The following PCDHGA7 variants were observed in gnomAD, a reference collection of about 807,000 sequenced individuals.
The protein encoded by PCDHGA7 is protocadherin gamma subfamily A, 7, also known as protocadherin gamma-A7.
PCDHGA7 carries 44 observed loss-of-function variants against 58.3 expected under a neutral mutation model. The ratio of observed to expected loss-of-function variants is 0.75; its 90% confidence interval spans 0.59 to 0.97. The LOEUF is 0.97. Ranked by LOEUF, PCDHGA7 falls within the 50% of genes least tolerant of loss-of-function variation. The pLI, the probability that PCDHGA7 is intolerant of heterozygous loss-of-function variation, is 0.00. For missense variants in PCDHGA7, 1,266 were observed against 1,188.7 expected, an observed-to-expected ratio of 1.06 and a Z score of -0.96; for synonymous variants, 516 against 504.2, an observed-to-expected ratio of 1.02 and a Z score of -0.31.
At chr5:141,388,360 A>C in intron 1 of PCDHGA7, 1 of 1,613,996 alleles carries the variant, frequency 6.2e-7, no homozygotes, top group South Asian at 1.1e-5. Context: ...TCTGCCCATG[A>C]TGCGGATATT....
chr5:141,462,242 G>A (rs1325040495), intron 1 of PCDHGA7, among the ~76,000 whole-genome samples: 3 of 152,234 alleles, frequency 2.0e-5, no homozygotes, highest in Non-Finnish European at 4.4e-5. Context: ...TTACAGGTAT[G>A]AGCCACCATG....
chr5:141,399,611 T>A, intron 1 of PCDHGA7: 2 of 1,613,930 alleles, frequency 1.2e-6, no homozygotes, highest in Non-Finnish European at 1.7e-6. Flanking sequence ...CTAGAGCCTC[T>A]GGCACTGGCC....
intron 1 of PCDHGA7, among the ~76,000 whole-genome samples, chr5:141,402,517 G>A (rs2094277430): frequency 6.6e-6 from 1 of 152,024 alleles, no homozygotes; most frequent in African/African-American, 2.4e-5. Context: ...ATTAAGCAAT[G>A]GTTTGTGATT....
At chr5:141,405,156 T>C in intron 1 of PCDHGA7, 1 of 1,614,042 alleles carries the variant, frequency 6.2e-7, no homozygotes, top group Non-Finnish European at 8.5e-7. Flanking sequence ...TTGGCTGGTG[T>C]GCCCACCTCA....
At chr5:141,413,352 G>T in intron 1 of PCDHGA7, 11 of 1,613,976 alleles carry the variant, frequency 6.8e-6, no homozygotes, top group Non-Finnish European at 9.3e-6. Flanking sequence ...TGGGTCTGGC[G>T]CCCCGGGAGC....
At chr5:141,437,195 A>G (rs2097867163) in intron 1 of PCDHGA7, among the ~76,000 whole-genome samples, 2 of 152,180 alleles carry the variant, frequency 1.3e-5, no homozygotes, top group African/African-American at 4.8e-5. Context: ...ATGGGTTTGG[A>G]TGTGTTTACA....
rs1000935525 is a variant in PCDHGA7 at position 141,512,962 on chromosome 5, G to A, written c.*1789G>A. The A allele has an allele frequency of 1.3e-5, 2 of 152,030 alleles. No individual in the cohort carries two copies. The highest frequency in any genetic ancestry group is 4.8e-5 in the African/African-American group (2 of 41,366). The allele number at this position is 152,030 out of a possible 1,614,324, so 9.4% of individuals were successfully genotyped here. ...TTCTTCGACAAAAAAATAATAAAACGTTTCTTCTGAAAAGCTGAACGTTTC... is the reference window on the plus strand; with the variant it reads ...TTCTTCGACAAAAAAATAATAAAACATTTCTTCTGAAAAGCTGAACGTTTC... On this transcript the variant is annotated 3_prime_UTR_variant, in exon 4 of 4. Transcript: ENST00000518325.
chr5:141,431,375 G>C lies in PCDHGA7; in HGVS notation c.2424+46052G>C. ...ACGCGCCCTGGACCGCGAAGAAAAG[G>C]CTGCTCACCACCTGGTCCTTACGGC... On this transcript the variant is annotated intron_variant, in intron 1 of 3. Transcript: ENST00000518325. This position sits in a 1 kb window ranked among gnomAD's most constrained non-coding sequence, Gnocchi z 4.8. 6.2e-7 allele frequency: 1 copy of C among 1,613,422 alleles called. No individual in the cohort carries two copies. The highest frequency in any genetic ancestry group is 8.5e-7 in the Non-Finnish European group (1 of 1,179,570).
intron 1 of PCDHGA7, chr5:141,419,146 GCCT>G: frequency 6.2e-7 from 1 of 1,613,922 alleles, no homozygotes; most frequent in East Asian, 2.2e-5. Context: ...ACAGGGGCAA[GCCT>G]CCGTTATCCT....
chr5:141,409,230 A>G, intron 1 of PCDHGA7: 1 of 1,614,024 alleles, frequency 6.2e-7, no homozygotes. Context: ...GAAAACGACA[A>G]CAGCCCAGAA....
chr5:141,498,390 T>C (rs2099783500), intron 2 of PCDHGA7, among the ~76,000 whole-genome samples: 1 of 151,982 alleles, frequency 6.6e-6, no homozygotes, highest in Non-Finnish European at 1.5e-5. Context: ...ATCAAGGGAA[T>C]GGCAGGGAGT....
rs2099605934 is a variant in PCDHGA7, at chr5:141,485,057, C to G, written c.2425-9750C>G. On this transcript the variant is annotated intron_variant, in intron 1 of 3. Transcript: ENST00000518325. The surrounding 1 kb of genome is among the most constrained non-coding windows in gnomAD (Gnocchi z 5.7). ...GTAACCCTTGCGGCGCCGGCCGAAC[C>G]GCGCCAGAGCTGGCGCGGGGAAAGG... The G allele has an allele frequency of 1.2e-6, 1 of 843,720 alleles. No homozygotes were observed. Among genetic ancestry groups the G allele is most frequent in the Non-Finnish European group, 1.9e-6 (1 of 524,586 alleles). 52.3% of individuals were successfully genotyped at this position (843,720 alleles called of 1,614,324 possible).
At chr5:141,492,576 G>A (rs2099742137) in intron 1 of PCDHGA7, among the ~76,000 whole-genome samples, 1 of 152,234 alleles carries the variant, frequency 6.6e-6, no homozygotes, top group Admixed American at 6.5e-5. Context: ...AGCGAGGCGC[G>A]GGGCCAGGAG....
intron 1 of PCDHGA7, chr5:141,422,463 C>G (rs1461108652): frequency 6.2e-7 from 1 of 1,613,472 alleles, no homozygotes; most frequent in Non-Finnish European, 8.5e-7. Flanking sequence ...GAGTGCTGGA[C>G]AGGGAGTTGG....
rs187873649 is a variant in PCDHGA7, at chr5:141,469,715, G to A, written c.2425-25092G>A. ...TATGACCTAGTAATCACACTATTAG[G>A]AATTTATCATAAATACACACCTCAA... On this transcript the variant is annotated intron_variant, in intron 1 of 3. Coordinates refer to ENST00000518325, the MANE Select transcript of PCDHGA7 (RefSeq NM_018920.4). Among the ~76,000 whole-genome samples, 552 of 152,160 alleles carry A rather than the reference G, an allele frequency of 3.6e-3. 1 individual carries two copies. Among genetic ancestry groups the A allele is most frequent in the Non-Finnish European group, 5.8e-3 (397 of 68,008 alleles).
rs751567991 is a variant in PCDHGA7 at position 141,398,180 on chromosome 5, T to C, written c.2424+12857T>C. ...CGGGCTGAGAGGCTGCCAGTGCTCT[T>C]TCTCTTCCTGCTGTCTTTGTTCTGC... On this transcript the variant is annotated intron_variant, in intron 1 of 3. Coordinates refer to ENST00000518325, the MANE Select transcript of PCDHGA7 (RefSeq NM_018920.4). 3 of 1,473,764 alleles carry C rather than the reference T, an allele frequency of 2.0e-6. No individual in the cohort carries two copies. The African/African-American group carries it at 4.3e-5, about 21-fold the overall frequency. The allele number at this position is 1,473,764 out of a possible 1,614,324, so 91.3% of individuals were successfully genotyped here. A position where few individuals can be genotyped will look rare whatever the true frequency, so the allele number is the denominator to read the frequency against.
At chr5:141,456,695 T>C (rs1264543968) in intron 1 of PCDHGA7, among the ~76,000 whole-genome samples, 2 of 152,136 alleles carry the variant, frequency 1.3e-5, no homozygotes, top group Non-Finnish European at 2.9e-5. Flanking sequence ...CCAGGCGTGG[T>C]GGCTCGCGCC....
chr5:141,502,884 A>T (rs2099816871), intron 2 of PCDHGA7, among the ~76,000 whole-genome samples: 1 of 36,804 alleles, frequency 2.7e-5, no homozygotes, highest in African/African-American at 3.5e-4. Context: ...TTTTTTTGAC[A>T]GGGAGTCTAG....
At chr5:141,426,423 G>T in intron 1 of PCDHGA7, 1 of 290,954 alleles carries the variant, frequency 3.4e-6, no homozygotes, top group Non-Finnish European at 6.8e-6. Context: ...AGGGCTCCGT[G>T]GTGGGGAACC....
Sources: gnomAD v4.1 joint callset for allele counts (sites outside exome capture counted in the v4.1 genomes callset) on GRCh38, gnomAD v4.1.1 for gene constraint, Gnocchi (gnomAD v3.1) non-coding constraint, MANE v1.5 for transcripts, NCBI Gene and HGNC (gene_info 2026-07-23, HGNC 2026-07-21) for gene names.